The following ZNF236 variants were observed in gnomAD, a reference collection of about 807,000 sequenced individuals.
The protein encoded by ZNF236 is regulated by glucose.
In ZNF236, 50 loss-of-function variants were observed where a neutral mutation model predicts 191.2. The ratio of observed to expected loss-of-function variants is 0.26; its 90% CI spans 0.21 to 0.33. The LOEUF (loss-of-function observed/expected upper bound fraction) is 0.33, where lower values mean the gene tolerates loss of function less well. Ranked by LOEUF, ZNF236 falls within the 10% of genes least tolerant of loss-of-function variation. The pLI is 1.00. For missense variants in ZNF236, 1,754 were observed against 2,374.5 expected (o/e 0.74, Z 5.43); for synonymous variants, 907 against 928.8 (o/e 0.98, Z 0.43).
chr18:76,889,516 G>T (rs761571214), intron 9 of ZNF236, among the ~76,000 whole-genome samples: 23 of 152,126 alleles, frequency 1.5e-4, no homozygotes, highest in Non-Finnish European at 3.1e-4. Context: ...GCACTTAGGC[G>T]CTAGGATCAC....
intron 20 of ZNF236, among the ~76,000 whole-genome samples, chr18:76,922,291 C>G (rs1030733843): frequency 5.9e-5 from 9 of 152,144 alleles, no homozygotes; most frequent in Admixed American, 6.5e-5. Flanking sequence ...TGGCAAAGGC[C>G]ACCAGAGGGC....
intron 28 of ZNF236, among the ~76,000 whole-genome samples, chr18:76,957,350 C>T (rs574291099): frequency 6.6e-6 from 1 of 152,116 alleles, no homozygotes; most frequent in Non-Finnish European, 1.5e-5. Flanking sequence ...GTGGTGTCAG[C>T]AGTGACGGCC....
At chr18:76,829,129 A>G (rs1975091662) in intron 1 of ZNF236, among the ~76,000 whole-genome samples, 1 of 152,228 alleles carries the variant, frequency 6.6e-6, no homozygotes, top group Non-Finnish European at 1.5e-5. Context: ...TCAATTCCAC[A>G]CTTTCGGAAT....
chr18:76,889,942 A>G (rs1345554764), intron 9 of ZNF236, among the ~76,000 whole-genome samples: 1 of 152,206 alleles, frequency 6.6e-6, no homozygotes, highest in Non-Finnish European at 1.5e-5. Context: ...ACTTTTTTCC[A>G]CTTGATATCT....
chr18:76,858,371 C>T (rs936413606), intron 3 of ZNF236, among the ~76,000 whole-genome samples: 1 of 152,186 alleles, frequency 6.6e-6, no homozygotes, highest in Non-Finnish European at 1.5e-5. Context: ...CCCCCTTCTC[C>T]CTTTTTTGAA....
At chr18:76,896,161 GC>G (rs1334585687) in intron 10 of ZNF236, among the ~76,000 whole-genome samples, 4 of 152,016 alleles carry the variant, frequency 2.6e-5, no homozygotes, top group Non-Finnish European at 5.9e-5. Context: ...CACAGGCATT[GC>G]CCACAGGGAC....
intron 26 of ZNF236, among the ~76,000 whole-genome samples, chr18:76,943,039 C>T (rs1282041441): frequency 1.4e-5 from 2 of 143,674 alleles, no homozygotes; most frequent in African/African-American, 2.6e-5. Flanking sequence ...AGGAGAATGG[C>T]GTGAACCCGG....
intron 3 of ZNF236, among the ~76,000 whole-genome samples, chr18:76,866,744 T>C (rs1315444085): frequency 1.3e-5 from 2 of 152,168 alleles, no homozygotes; most frequent in Non-Finnish European, 2.9e-5. Context: ...GAAGGCCCGT[T>C]GTCCTAGTGG....
chr18:76,953,001 T>A (rs1968445490), intron 27 of ZNF236, among the ~76,000 whole-genome samples: 1 of 152,204 alleles, frequency 6.6e-6, no homozygotes, highest in Non-Finnish European at 1.5e-5. Flanking sequence ...CACTTCGCTC[T>A]CTGGTGAAGT....
intron 1 of ZNF236, among the ~76,000 whole-genome samples, chr18:76,829,331 GTTT>G (rs11316393): frequency 1.2e-4 from 17 of 138,370 alleles, no homozygotes; most frequent in Admixed American, 3.6e-4. Context: ...CCTGGGGGAG[GTTT>G]TTTTTTTTTT....
In ZNF236 at chr18:76,875,499, G is replaced by A. The variant is rs765197581; in HGVS notation, c.675G>A (p.Arg225=). The change falls in exon 6 of 31, where the codon AGG becomes AGA. Residue 225 remains arginine, a synonymous_variant. Transcript: ENST00000320610. This position sits in a 1 kb window ranked among gnomAD's most constrained non-coding sequence, Gnocchi z 4.3. ...TRHIRIHTGE[R]PFKCSECGKA... is the part of the protein sequence containing the mutation. Reference sequence around the variant, plus strand: ...ATTTTTCTCCCACTCTAGGTGAAAGGCCGTTCAAATGTAGTGAATGTGGAA... The same window carrying A: ...ATTTTTCTCCCACTCTAGGTGAAAGACCGTTCAAATGTAGTGAATGTGGAA... 5 of 1,525,152 alleles carry A rather than the reference G, an allele frequency of 3.3e-6. No homozygotes were observed. In the African/African-American group the frequency reaches 7.0e-5, roughly 21 times the overall value. The allele number at this position is 1,525,152 out of a possible 1,614,324, so 94.5% of individuals were successfully genotyped here.
At position 76,967,996 on chromosome 18, in the gene ZNF236, C is replaced by T. The variant is rs1346525302; in HGVS notation, c.5420-219C>T. On this transcript the variant is annotated intron_variant, in intron 30 of 30. Coordinates refer to ENST00000320610, the MANE Select transcript of ZNF236 (RefSeq NM_001306089.2). ...TGTCATAGGAGTGCACTCATATCAC[C>T]AGTGCTGTGTGTGCGTTCATACTCC... Among the ~76,000 whole-genome samples the T allele has an allele frequency of 2.0e-5, 3 of 152,240 alleles. No homozygotes were observed. The East Asian group carries it at 5.8e-4, about 29-fold the overall frequency.
chr18:76,965,874 G>A (rs1363380415), intron 30 of ZNF236, among the ~76,000 whole-genome samples: 1 of 152,238 alleles, frequency 6.6e-6, no homozygotes, highest in East Asian at 1.9e-4. Context: ...CCTGCCGGGA[G>A]GTGGTGCTTT....
chr18:76,862,820 C>A (rs1345990949), intron 3 of ZNF236, among the ~76,000 whole-genome samples: 1 of 152,114 alleles, frequency 6.6e-6, no homozygotes, highest in Admixed American at 6.6e-5. Context: ...AGAGCTGGTC[C>A]CACAGTTTAA....
rs770157719 is a variant in ZNF236 at position 76,913,914 on chromosome 18, A to G, written c.3061+16A>G. The G allele has an allele frequency of 1.2e-6, 2 of 1,613,390 alleles. No individual in the cohort carries two copies. Among genetic ancestry groups the G allele is most frequent in the South Asian group, 1.1e-5 (1 of 91,076 alleles). ...ACACACACAGGTCACTGTCTGCCTT[A>G]TACTTGGAGATTAGTCCTTTAAAGA... On this transcript the variant is annotated intron_variant, in intron 18 of 30. Transcript: ENST00000320610.
Position 76,911,383 on chromosome 18 carries a change from C to T in ZNF236, c.2805+572C>T, listed in dbSNP as rs143046831. On this transcript the variant is annotated intron_variant, in intron 16 of 30. Transcript: ENST00000320610. Reference sequence around the variant, plus strand: ...CCCAAGTGGTAGGGCTGGACCCTCCCGTGAAAATTTCAGAACATTTTTCTC... The same window carrying T: ...CCCAAGTGGTAGGGCTGGACCCTCCTGTGAAAATTTCAGAACATTTTTCTC... Among the ~76,000 whole-genome samples, 344 of 152,216 alleles carry T rather than the reference C, an allele frequency of 2.3e-3. 1 individual carries two copies. The highest frequency in any genetic ancestry group is 7.5e-3 in the African/African-American group (310 of 41,542).
chr18:76,919,063 T>G lies in ZNF236; in HGVS notation c.3275-713T>G, dbSNP rs1389201910. Among the ~76,000 whole-genome samples the G allele has an allele frequency of 6.6e-6, 1 of 152,198 alleles. No homozygotes were observed. The highest frequency in any genetic ancestry group is 2.4e-5 in the African/African-American group (1 of 41,452). On this transcript the variant is annotated intron_variant, in intron 19 of 30. Coordinates refer to ENST00000320610, the MANE Select transcript of ZNF236 (RefSeq NM_001306089.2). This position sits in a 1 kb window ranked among gnomAD's most constrained non-coding sequence, Gnocchi z 5.3. ...CTAATTTATTAATTTGGTCTCCCAT[T>G]TTTGGGCTTCTGGTTTTAAAAAATC...
intron 10 of ZNF236, among the ~76,000 whole-genome samples, chr18:76,895,931 G>T (rs1454002528): frequency 6.8e-6 from 1 of 147,030 alleles, no homozygotes; most frequent in Non-Finnish European, 1.5e-5. Context: ...AGTATCAAAG[G>T]CAGGTACCAG....
At chr18:76,966,663 A>C (rs949299216) in intron 30 of ZNF236, among the ~76,000 whole-genome samples, 1 of 152,172 alleles carries the variant, frequency 6.6e-6, no homozygotes, top group African/African-American at 2.4e-5. Context: ...TCCTGTCTGC[A>C]TCCTGTTGAC....
Sources: gnomAD v4.1 joint callset for allele counts (sites outside exome capture counted in the v4.1 genomes callset) on GRCh38, gnomAD v4.1.1 for gene constraint, Gnocchi (gnomAD v3.1) non-coding constraint, MANE v1.5 for transcripts, NCBI Gene and HGNC (gene_info 2026-07-23, HGNC 2026-07-21) for gene names.